Variants in ZNF518B observed in about 807,000 individuals in gnomAD.
The protein encoded by ZNF518B is zinc finger protein 518B.
Under a neutral mutation model 56.3 loss-of-function variants are expected in ZNF518B, and 23 were observed. The ratio of observed to expected loss-of-function variants is 0.41; its 90% CI spans 0.29 to 0.58. The LOEUF (loss-of-function observed/expected upper bound fraction) is 0.58, where lower values mean the gene tolerates loss of function less well. Ranked by LOEUF, ZNF518B falls within the 20% of genes least tolerant of loss-of-function variation. The pLI is 0.32. For missense variants in ZNF518B, 1,460 were observed against 1,272.1 expected (o/e 1.15, Z -2.25); for synonymous variants, 529 against 465.9 (o/e 1.14, Z -1.74).
chr4:10,451,707 C>T (rs1715319117), intron 2 of ZNF518B: 1 of 152,148 alleles, frequency 6.6e-6, no homozygotes, highest in Non-Finnish European at 1.5e-5. Context: ...GATAATTTAC[C>T]TCTGTGGCAA....
At chr4:10,450,070 A>T (rs1407316317) in intron 2 of ZNF518B, among the ~76,000 whole-genome samples, 1 of 152,224 alleles carries the variant, frequency 6.6e-6, no homozygotes, top group African/African-American at 2.4e-5. Flanking sequence ...CCAGCCAAGG[A>T]AAGTCCCCAG....
At position 10,442,354 on chromosome 4, in the gene ZNF518B, T is replaced by C. The variant is rs1446866009; in HGVS notation, c.*750A>G. On this transcript the variant is annotated 3_prime_UTR_variant, in exon 3 of 3. Transcript: ENST00000326756. ...TAGATATTTTCCTTTTGTAATCTCT[T>C]TTTGTCTTTGCAAAAAGGTACGTTC... The C allele has an allele frequency of 6.6e-6, 1 of 152,222 alleles. No homozygotes were observed. Among genetic ancestry groups the C allele is most frequent in the African/African-American group, 2.4e-5 (1 of 41,452 alleles). 9.4% of individuals were successfully genotyped at this position (152,222 alleles called of 1,614,324 possible).
At chr4:10,447,330 A>G (rs912431249) in intron 2 of ZNF518B, among the ~76,000 whole-genome samples, 1 of 152,170 alleles carries the variant, frequency 6.6e-6, no homozygotes, top group Non-Finnish European at 1.5e-5. Flanking sequence ...GAGGAGAGTC[A>G]GGAGAGGCCT....
intron 2 of ZNF518B, among the ~76,000 whole-genome samples, chr4:10,447,647 CTTTTTTTT>C (rs10675116): frequency 8.2e-6 from 1 of 121,396 alleles, no homozygotes; most frequent in East Asian, 2.4e-4. Context: ...ACAGAGTGAC[CTTTTTTTT>C]TTTTTTTTTT....
Position 10,441,167 on chromosome 4 carries a change from A to C in ZNF518B, c.*1937T>G, listed in dbSNP as rs1360794940. On this transcript the variant is annotated 3_prime_UTR_variant, in exon 3 of 3. Transcript: ENST00000326756. ...TGTACTTCCAAAATAAATTTCTAGA[A>C]TATAAAAACGTTCTACATTTTTCCA... The C allele has an allele frequency of 6.6e-6, 1 of 152,644 alleles. No homozygotes were observed. Among genetic ancestry groups the C allele is most frequent in the Non-Finnish European group, 1.5e-5 (1 of 68,040 alleles). 9.5% of individuals were successfully genotyped at this position (152,644 alleles called of 1,614,324 possible).
At position 10,444,028 on chromosome 4, in the gene ZNF518B, G is replaced by T; in HGVS notation, c.2301C>A (p.Ala767=). 6.2e-7 allele frequency: 1 copy of T among 1,614,168 alleles called. No individual in the cohort carries two copies. The highest frequency in any genetic ancestry group is 1.1e-5 in the South Asian group (1 of 91,076). The change falls in exon 3 of 3, where the codon GCC becomes GCA. Residue 767 remains alanine (A), a synonymous_variant. Coordinates refer to ENST00000326756, the MANE Select transcript of ZNF518B (RefSeq NM_053042.3). ...CCCCTTTGGGGATTAACACTGGCGT[G>T]GCAACATGAGCCTTCCTGGCCACTC... ...KSRVARKAHV[A]TPVLIPKGAV...
Position 10,445,056 on chromosome 4 carries a change from C to G in ZNF518B, c.1273G>C (p.Val425Leu), listed in dbSNP as rs375331255. Residue 425 changes from valine to leucine, a missense_variant, in exon 3 of 3, where the codon GTT becomes CTT. Val to Leu is a conservative substitution (Grantham distance 32). Transcript: ENST00000326756. ...LVGIDSFQPS[V>L]QKQLKNVKWV... ...TTCACATTTTTAAGCTGTTTCTGAA[C>G]TGAAGGTTGAAAACTATCAATGCCT... 1.2e-6 allele frequency: 2 copies of G among 1,614,108 alleles called. No individual in the cohort carries two copies. Among genetic ancestry groups the G allele is most frequent in the Non-Finnish European group, 1.7e-6 (2 of 1,180,056 alleles).
At position 10,446,207 on chromosome 4, in the gene ZNF518B, T is replaced by C. The variant is rs746277814; in HGVS notation, c.122A>G (p.Gln41Arg). The C allele has an allele frequency of 6.2e-7, 1 of 1,614,222 alleles. No individual in the cohort carries two copies. Among genetic ancestry groups the C allele is most frequent in the Admixed American group, 1.7e-5 (1 of 60,026 alleles). The change falls in exon 3 of 3, where the codon CAA becomes CGA. Residue 41 changes from glutamine to arginine, a missense_variant. Gln to Arg is a conservative substitution (Grantham distance 43). Coordinates refer to ENST00000326756, the MANE Select transcript of ZNF518B (RefSeq NM_053042.3). Reference protein sequence around the residue: ...GAPRPNRQEAQTLLYQGSEAE... With the variant: ...GAPRPNRQEARTLLYQGSEAE... ...CTCTGAGCCTTGATACAAAAGGGTT[T>C]GTGCTTCTTGTCTATTTGGCCGAGG...
At chr4:10,447,518 C>T (rs975100195) in intron 2 of ZNF518B, among the ~76,000 whole-genome samples, 4 of 152,030 alleles carry the variant, frequency 2.6e-5, no homozygotes, top group Admixed American at 6.6e-5. Flanking sequence ...AGACAATAAC[C>T]CAGTATTGTA....
chr4:10,445,982 T>C lies in ZNF518B; in HGVS notation c.347A>G (p.Asn116Ser). ...TTTGCTATTGACAGAACTTGAGAAG[T>C]TTTCAGTTTTATTTCCAACATGAGT... ...SATHVGNKTE[N>S]FSSSVNSKFK... Residue 116 changes from asparagine (N) to serine (S), a missense_variant, in exon 3 of 3, where the codon AAC (asparagine) becomes AGC (serine). By Grantham distance (46) the Asn-to-Ser change is conservative. Transcript: ENST00000326756. 1 of 1,614,142 alleles carries C rather than the reference T, an allele frequency of 6.2e-7. No homozygotes were observed. The highest frequency in any genetic ancestry group is 8.5e-7 in the Non-Finnish European group (1 of 1,180,022).
At position 10,444,012 on chromosome 4, in the gene ZNF518B, G is replaced by C. The variant is rs1714825533; in HGVS notation, c.2317C>G (p.Pro773Ala). Residue 773 changes from proline to alanine, a missense_variant, in exon 3 of 3, where the codon CCC (proline) becomes GCC (alanine). Transcript: ENST00000326756. ...KAHVATPVLIPKGAVLRVLNS... is the reference protein window; with the variant it reads ...KAHVATPVLIAKGAVLRVLNS... Reference sequence around the variant, plus strand: ...AGAACCCTCAACACAGCCCCTTTGGGGATTAACACTGGCGTGGCAACATGA... The same window carrying C: ...AGAACCCTCAACACAGCCCCTTTGGCGATTAACACTGGCGTGGCAACATGA... 6.2e-7 allele frequency: 1 copy of C among 1,614,030 alleles called. No homozygotes were observed. The highest frequency in any genetic ancestry group is 1.3e-5 in the African/African-American group (1 of 74,906).
intron 1 of ZNF518B, among the ~76,000 whole-genome samples, chr4:10,456,073 G>A (rs879349105): frequency 2.6e-5 from 4 of 152,082 alleles, no homozygotes; most frequent in African/African-American, 7.2e-5. Context: ...TAGAGACCCA[G>A]GTTTGTCTTA....
chr4:10,443,050 A>G lies in ZNF518B; in HGVS notation c.*54T>C. 1 of 1,466,110 alleles carries G rather than the reference A, an allele frequency of 6.8e-7. No homozygotes were observed. Among genetic ancestry groups the G allele is most frequent in the Middle Eastern group, 1.8e-4 (1 of 5,522 alleles). The allele number at this position is 1,466,110 out of a possible 1,614,324, so 90.8% of individuals were successfully genotyped here. A position where few individuals can be genotyped will look rare whatever the true frequency, so the allele number is the denominator to read the frequency against. On this transcript the variant is annotated 3_prime_UTR_variant, in exon 3 of 3. Coordinates refer to ENST00000326756, the MANE Select transcript of ZNF518B (RefSeq NM_053042.3). ...TCTTCTACTGAATCTTGGTGGAGGG[A>G]CTCCAAACCAGAATAAACTAAAAGA...
chr4:10,443,709 T>G lies in ZNF518B; in HGVS notation c.2620A>C (p.Asn874His), dbSNP rs752183576. ...CTGGAAAGCAGTCTCCCTTGCTTAT[T>G]TAATTCACTGCTTCCTTGCTGTCCA... ...LYGQQGSSEL[N>H]KQGRLLSRSL... is the part of the protein sequence containing the mutation. The change falls in exon 3 of 3, where the codon AAT becomes CAT. Residue 874 changes from asparagine to histidine, a missense_variant. Physicochemically the swap from Asn to His is moderately conservative, Grantham distance 68 (BLOSUM62 1). Coordinates refer to ENST00000326756, the MANE Select transcript of ZNF518B (RefSeq NM_053042.3). 1.9e-6 allele frequency: 3 copies of G among 1,614,232 alleles called. No homozygotes were observed. Among genetic ancestry groups the G allele is most frequent in the Non-Finnish European group, 2.5e-6 (3 of 1,180,048 alleles).
In ZNF518B at chr4:10,440,049, A is replaced by T. The variant is rs1236561685; in HGVS notation, c.*3055T>A. On this transcript the variant is annotated 3_prime_UTR_variant, in exon 3 of 3. Transcript: ENST00000326756. ...CACAATGTTTTGTTTCTGCTCATATAGACATTTACAGATTTAAAAATTATT... is the reference window on the plus strand; with the variant it reads ...CACAATGTTTTGTTTCTGCTCATATTGACATTTACAGATTTAAAAATTATT... 2 of 152,658 alleles carry T rather than the reference A, an allele frequency of 1.3e-5. No individual in the cohort carries two copies. The highest frequency in any genetic ancestry group is 2.9e-5 in the Non-Finnish European group (2 of 68,050). 9.5% of individuals were successfully genotyped at this position (152,658 alleles called of 1,614,324 possible).
At chr4:10,452,904 C>G (rs1715381260) in intron 2 of ZNF518B, 2 of 152,214 alleles carry the variant, frequency 1.3e-5, no homozygotes, top group African/African-American at 4.8e-5. Context: ...AGATTTCCAT[C>G]TGAAACCAAG....
Position 10,442,484 on chromosome 4 carries a change from G to A in ZNF518B, c.*620C>T, listed in dbSNP as rs557018205. On this transcript the variant is annotated 3_prime_UTR_variant, in exon 3 of 3. Coordinates refer to ENST00000326756, the MANE Select transcript of ZNF518B (RefSeq NM_053042.3). ...CTTGCTGTGAAAGGAGTAAATTCAG[G>A]CAAGCAGTTGAAAACATTCTTTAAA... is the stretch of plus-strand genomic sequence containing the variant. The A allele has an allele frequency of 5.3e-5, 8 of 152,316 alleles. No homozygotes were observed. The highest frequency in any genetic ancestry group is 3.9e-4 in the East Asian group (2 of 5,188). The allele number at this position is 152,316 out of a possible 1,614,324, so 9.4% of individuals were successfully genotyped here.
chr4:10,444,105 G>C lies in ZNF518B; in HGVS notation c.2224C>G (p.Gln742Glu). 1.9e-6 allele frequency: 3 copies of C among 1,614,206 alleles called. No homozygotes were observed. Among genetic ancestry groups the C allele is most frequent in the Non-Finnish European group, 2.5e-6 (3 of 1,180,040 alleles). ...TCTGCAAAGTGTGGATATATTTGTTGATGAGTAAGCTGTCTATTACCAGTA... is the reference window on the plus strand; with the variant it reads ...TCTGCAAAGTGTGGATATATTTGTTCATGAGTAAGCTGTCTATTACCAGTA... ...GITGNRQLTH[Q>E]QIYPHFADGS... The change falls in exon 3 of 3, where the codon CAA becomes GAA. Residue 742 changes from glutamine to glutamate, a missense_variant. Transcript: ENST00000326756.
rs1205286382 is a variant in ZNF518B at position 10,440,286 on chromosome 4, A to G, written c.*2818T>C. 4 of 79,528 alleles carry G rather than the reference A, an allele frequency of 5.0e-5. No individual in the cohort carries two copies. The East Asian group carries it at 1.2e-3, about 23-fold the overall frequency. The allele number at this position is 79,528 out of a possible 1,614,324, so 4.9% of individuals were successfully genotyped here. On this transcript the variant is annotated 3_prime_UTR_variant, in exon 3 of 3. Coordinates refer to ENST00000326756, the MANE Select transcript of ZNF518B (RefSeq NM_053042.3). ...AGTCTATCAGAGTATACTTTGGGTC[A>G]GGTTTTTTTTTTTTAACTTTTACTG...
Sources: gnomAD v4.1 joint callset for allele counts (sites outside exome capture counted in the v4.1 genomes callset) on GRCh38, gnomAD v4.1.1 for gene constraint, MANE v1.5 for transcripts, NCBI Gene and HGNC (gene_info 2026-07-23, HGNC 2026-07-21) for gene names.